CACNG7: variants seen among roughly 807,000 people sequenced by gnomAD.
The protein encoded by CACNG7 is calcium voltage-gated channel auxiliary subunit gamma 7.
A neutral mutation model predicts 26.3 loss-of-function variants in CACNG7; 9 were observed. The observed-to-expected ratio is 0.34, with a 90% confidence interval of 0.21 to 0.60. The LOEUF (loss-of-function observed/expected upper bound fraction) is 0.60, where lower values mean the gene tolerates loss of function less well. Ranked by LOEUF, CACNG7 falls within the 20% of genes least tolerant of loss-of-function variation. The pLI, the probability that CACNG7 is intolerant of heterozygous loss-of-function variation, is 0.81. For missense variants in CACNG7, 297 were observed against 380.4 expected (o/e 0.78, Z 1.82); for synonymous variants, 170 against 157.0 (o/e 1.08, Z -0.62).
chr19:53,914,273 C>CAAAAA (rs376053657), intron 2 of CACNG7, among the ~76,000 whole-genome samples: 4 of 107,286 alleles, frequency 3.7e-5, no homozygotes, highest in African/African-American at 1.8e-4. Context: ...GACTCCATCT[C>CAAAAA]AAAAAAAAAA....
chr19:53,916,083 C>A (rs1055221916), intron 4 of CACNG7, among the ~76,000 whole-genome samples: 2 of 152,234 alleles, frequency 1.3e-5, no homozygotes, highest in African/African-American at 2.4e-5. Flanking sequence ...CATGGTCTTG[C>A]GTCTGTCCAT....
Position 53,942,589 on chromosome 19 carries a change from TCC to T in CACNG7, c.*297_*298del. ...GCCCCTCCTCTCCAAGAAAATTAGC[TCC>T]TCCCTCGTTCTCCACCTGCTCTGAG... On this transcript the variant is annotated 3_prime_UTR_variant, in exon 6 of 6. Coordinates refer to ENST00000391767, the MANE Select transcript of CACNG7 (RefSeq NM_031896.5). The surrounding 1 kb of genome is among the most constrained non-coding windows in gnomAD (Gnocchi z 5.9). 7.8e-7 allele frequency: 1 copy of T among 1,276,074 alleles called. No homozygotes were observed. Among genetic ancestry groups the T allele is most frequent in the Non-Finnish European group, 9.9e-7 (1 of 1,008,476 alleles). 79.0% of individuals were successfully genotyped at this position (1,276,074 alleles called of 1,614,324 possible). A position where few individuals can be genotyped will look rare whatever the true frequency, so the allele number is the denominator to read the frequency against.
At chr19:53,924,288 GT>G (rs2069001082) in intron 4 of CACNG7, among the ~76,000 whole-genome samples, 1 of 147,966 alleles carries the variant, frequency 6.8e-6, no homozygotes, top group African/African-American at 2.5e-5. Flanking sequence ...CTTTCCCCAG[GT>G]CTGGTCATTG....
chr19:53,942,443 GC>G lies in CACNG7; in HGVS notation c.*151del. ...TTTAGGCCCCGCCCTCCTCCCAATG[GC>G]TCCGCCCACAGACTCCCTTATTTCA... On this transcript the variant is annotated 3_prime_UTR_variant, in exon 6 of 6. Coordinates refer to ENST00000391767, the MANE Select transcript of CACNG7 (RefSeq NM_031896.5). This position sits in a 1 kb window ranked among gnomAD's most constrained non-coding sequence, Gnocchi z 5.9. The G allele has an allele frequency of 6.7e-7, 1 of 1,484,322 alleles. No homozygotes were observed. The highest frequency in any genetic ancestry group is 8.9e-7 in the Non-Finnish European group (1 of 1,124,084). 91.9% of individuals were successfully genotyped at this position (1,484,322 alleles called of 1,614,324 possible). A position where few individuals can be genotyped will look rare whatever the true frequency, so the allele number is the denominator to read the frequency against.
At chr19:53,913,229 C>T (rs1464061235) in intron 2 of CACNG7, among the ~76,000 whole-genome samples, 1 of 152,018 alleles carries the variant, frequency 6.6e-6, no homozygotes, top group African/African-American at 2.4e-5. Flanking sequence ...AGGCCCCTAA[C>T]CCCTAAGGAA....
At chr19:53,920,922 T>G (rs2068942373) in intron 4 of CACNG7, among the ~76,000 whole-genome samples, 1 of 115,860 alleles carries the variant, frequency 8.6e-6, no homozygotes. Flanking sequence ...TCCCCAGGTC[T>G]GGTCATTGGT....
At chr19:53,941,801 C>A (rs1233681621) in intron 5 of CACNG7, 186 bp downstream of exon 5, 2 of 874,270 alleles carry the variant, frequency 2.3e-6, no homozygotes, top group Non-Finnish European at 3.4e-6. Flanking sequence ...CTTTTGGGAT[C>A]CTGGGGGAGG....
chr19:53,939,844 C>T lies in CACNG7; in HGVS notation c.425-1626C>T, dbSNP rs570659181. Among the ~76,000 whole-genome samples, 149 of 152,204 alleles carry T rather than the reference C, an allele frequency of 9.8e-4. 1 individual carries two copies. Among genetic ancestry groups the T allele is most frequent in the African/African-American group, 1.3e-3 (52 of 41,530 alleles). On this transcript the variant is annotated intron_variant, in intron 4 of 5. Transcript: ENST00000391767. The surrounding 1 kb of genome is among the most constrained non-coding windows in gnomAD (Gnocchi z 4.2). ...TAATTCTATCTTTAACTTTTTGAGG[C>T]GCTGCCAAATGAAATTCATATACTT...
At chr19:53,923,520 T>C (rs1288229466) in intron 4 of CACNG7, among the ~76,000 whole-genome samples, 1,346 of 122,486 alleles carry the variant, frequency 0.011, 42 homozygotes, top group Non-Finnish European at 0.018. Context: ...TTGGTGGAGT[T>C]GCCCCAGGTC....
At position 53,917,920 on chromosome 19, in the gene CACNG7, C is replaced by T. The variant is rs180874614; in HGVS notation, c.424+2415C>T. On this transcript the variant is annotated intron_variant, in intron 4 of 5. Transcript: ENST00000391767. ...CTTATACCACCCACTGCACCAGGAA[C>T]TGACTGCCCAAGGTCATGCTGAGGA... 3.9e-5 allele frequency among the ~76,000 whole-genome samples: 6 copies of T among 152,336 alleles called. No homozygotes were observed. The East Asian group carries it at 1.2e-3, about 29-fold the overall frequency.
intron 4 of CACNG7, among the ~76,000 whole-genome samples, chr19:53,933,815 A>T (rs2069088999): frequency 6.6e-6 from 1 of 151,972 alleles, no homozygotes; most frequent in African/African-American, 2.4e-5. Flanking sequence ...AGCTTGCTCC[A>T]TGTCATCGTT....
Position 53,942,878 on chromosome 19 carries a change from C to A in CACNG7, c.*585C>A, listed in dbSNP as rs2069148475. On this transcript the variant is annotated 3_prime_UTR_variant, in exon 6 of 6. Transcript: ENST00000391767. The surrounding 1 kb of genome is among the most constrained non-coding windows in gnomAD (Gnocchi z 5.9). Reference sequence around the variant, plus strand: ...GCGTAGGGAAGGGGGCTGGAAGCCACGGGTACGGTTAACCTGGCCCTTCCC... The same window carrying A: ...GCGTAGGGAAGGGGGCTGGAAGCCAAGGGTACGGTTAACCTGGCCCTTCCC... 6.5e-6 allele frequency: 1 copy of A among 152,986 alleles called. No individual in the cohort carries two copies. The highest frequency in any genetic ancestry group is 2.1e-4 in the South Asian group (1 of 4,850). The allele number at this position is 152,986 out of a possible 1,614,324, so 9.5% of individuals were successfully genotyped here.
At chr19:53,941,017 G>A (rs144441492) in intron 4 of CACNG7, among the ~76,000 whole-genome samples, 1,887 of 151,526 alleles carry the variant, frequency 0.012, 41 homozygotes, top group African/African-American at 0.043. Context: ...AGCCGAGATC[G>A]GGCCACTGCA....
At position 53,912,645 on chromosome 19, in the gene CACNG7, T is replaced by C; in HGVS notation, c.-29-158T>C. ...ACAGTTGGTGTCTCTGGTCAGACTC[T>C]AGGGTTGGGGTCATGGGTCAGGCCA... On this transcript the variant is annotated intron_variant, in intron 1 of 5. Transcript: ENST00000391767. This position sits in a 1 kb window ranked among gnomAD's most constrained non-coding sequence, Gnocchi z 4.6. The C allele has an allele frequency of 1.7e-6, 1 of 595,340 alleles. No individual in the cohort carries two copies. Among genetic ancestry groups the C allele is most frequent in the Admixed American group, 3.0e-5 (1 of 33,180 alleles). The allele number at this position is 595,340 out of a possible 1,614,324, so 36.9% of individuals were successfully genotyped here.
In CACNG7 at chr19:53,914,481, C is replaced by T. The variant is rs760361293; in HGVS notation, c.197-19C>T. 1 of 1,610,812 alleles carries T rather than the reference C, an allele frequency of 6.2e-7. No homozygotes were observed. The highest frequency in any genetic ancestry group is 1.7e-4 in the Middle Eastern group (1 of 6,050). On this transcript the variant is annotated intron_variant, in intron 2 of 5. Transcript: ENST00000391767. ...TTAGGAGCCTCTCATCCAGCCCTGT[C>T]TGTTTCTCTTCCCCCCAGGTCGGGA... is the stretch of plus-strand genomic sequence containing the variant.
intron 4 of CACNG7, among the ~76,000 whole-genome samples, chr19:53,920,823 TGGA>T (rs1331805899): frequency 3.7e-5 from 3 of 80,358 alleles, no homozygotes; most frequent in South Asian, 4.7e-4. Flanking sequence ...TGGTCATTGG[TGGA>T]GTTGTCCCCA....
In CACNG7 at chr19:53,939,199, G is replaced by A. The variant is rs746911990; in HGVS notation, c.425-2271G>A. Among the ~76,000 whole-genome samples, 7 of 151,520 alleles carry A rather than the reference G, an allele frequency of 4.6e-5. No individual in the cohort carries two copies. Among genetic ancestry groups the A allele is most frequent in the South Asian group, 2.1e-4 (1 of 4,780 alleles). On this transcript the variant is annotated intron_variant, in intron 4 of 5. Transcript: ENST00000391767. This position sits in a 1 kb window ranked among gnomAD's most constrained non-coding sequence, Gnocchi z 4.2. Reference sequence around the variant, plus strand: ...CTTGAGTCCAGGAGGCAGAGGTTGCGGTGAGCCGAGATTGCACCACTACAC... The same window carrying A: ...CTTGAGTCCAGGAGGCAGAGGTTGCAGTGAGCCGAGATTGCACCACTACAC...
intron 3 of CACNG7, 108 bp downstream of exon 3, chr19:53,914,694 G>C: frequency 1.0e-6 from 1 of 997,382 alleles, no homozygotes. Flanking sequence ...AAGGGAAGGA[G>C]GGGAGGCTTG....
At chr19:53,924,362 G>T (rs55822397) in intron 4 of CACNG7, among the ~76,000 whole-genome samples, 15 of 129,964 alleles carry the variant, frequency 1.2e-4, no homozygotes, top group Non-Finnish European at 2.2e-4. Context: ...TGGTGGAGTT[G>T]TCCCCAGGTC....
Sources: gnomAD v4.1 joint callset for allele counts (sites outside exome capture counted in the v4.1 genomes callset) on GRCh38, gnomAD v4.1.1 for gene constraint, Gnocchi (gnomAD v3.1) non-coding constraint, MANE v1.5 for transcripts, NCBI Gene and HGNC (gene_info 2026-07-23, HGNC 2026-07-21) for gene names.